TIAM1: variants seen among roughly 807,000 people sequenced by gnomAD.
TIAM1 encodes TIAM Rac1 associated GEF 1.
Under a neutral mutation model 163.5 loss-of-function variants are expected in TIAM1, and 65 were observed. That is an observed-to-expected ratio of 0.40 (90% CI 0.33 to 0.49). The LOEUF is 0.49. TIAM1 is among the 20% of genes least tolerant of loss of function. The pLI is 0.77. For missense variants in TIAM1, 1,789 were observed against 2,044.7 expected, an observed-to-expected ratio of 0.87 and a Z score of 2.41; for synonymous variants, 833 against 810.1, an observed-to-expected ratio of 1.03 and a Z score of -0.48.
At chr21:31,372,174 C>A (rs1055639096) in intron 2 of TIAM1, among the ~76,000 whole-genome samples, 5 of 152,100 alleles carry the variant, frequency 3.3e-5, no homozygotes, top group Non-Finnish European at 5.9e-5. Context: ...TTCTGATGGG[C>A]TTTAAGTTAG....
At chr21:31,223,695 A>C (rs2087765661) in intron 7 of TIAM1, 104 bp from the exon 8 acceptor site, 1 of 1,171,506 alleles carries the variant, frequency 8.5e-7, no homozygotes. Flanking sequence ...CATTCATTAT[A>C]ATCCTAAGGA....
At chr21:31,185,480 A>C (rs1275641872) in intron 14 of TIAM1, among the ~76,000 whole-genome samples, 2 of 143,906 alleles carry the variant, frequency 1.4e-5, no homozygotes, top group African/African-American at 5.1e-5. Flanking sequence ...AATATATTCT[A>C]TATTTATATA....
intron 1 of TIAM1, among the ~76,000 whole-genome samples, chr21:31,473,120 G>A (rs2147377503): frequency 6.6e-6 from 1 of 152,176 alleles, no homozygotes; most frequent in South Asian, 2.1e-4. Flanking sequence ...TGTCTTCCCA[G>A]AATTAGTTAC....
intron 6 of TIAM1, among the ~76,000 whole-genome samples, chr21:31,228,211 TCC>T (rs2088113634): frequency 5.0e-5 from 1 of 20,130 alleles, no homozygotes; most frequent in African/African-American, 2.0e-4. Context: ...ATGCCCGGCC[TCC>T]TTTTTTTAAA....
In TIAM1 at chr21:31,395,715, C is replaced by A. The variant is rs1322470566; in HGVS notation, c.-368-56293G>T. ...ATCTTGGGGAGGGGGCGCATGCGTT[C>A]CCCTGGCTGTCGCGTGAAAATTTTT... On this transcript the variant is annotated intron_variant, in intron 2 of 28. Transcript: ENST00000286827. This position sits in a 1 kb window ranked among gnomAD's most constrained non-coding sequence, Gnocchi z 7.5. Among the ~76,000 whole-genome samples, 2 of 152,088 alleles carry A rather than the reference C, an allele frequency of 1.3e-5. No homozygotes were observed. Among genetic ancestry groups the A allele is most frequent in the Admixed American group, 6.6e-5 (1 of 15,256 alleles).
intron 26 of TIAM1, among the ~76,000 whole-genome samples, chr21:31,125,079 G>C (rs1241094028): frequency 6.6e-6 from 1 of 152,124 alleles, no homozygotes; most frequent in East Asian, 1.9e-4. Context: ...AGCACCCAAA[G>C]GCCGACGTCT....
intron 19 of TIAM1, among the ~76,000 whole-genome samples, chr21:31,152,187 C>G (rs57348044): frequency 0.028 from 4,319 of 152,158 alleles, 208 homozygotes; most frequent in African/African-American, 0.1. Flanking sequence ...TGCCCACCAC[C>G]ATGCCCAGCT....
At chr21:31,248,415 T>G (rs147853631) in intron 5 of TIAM1, among the ~76,000 whole-genome samples, 1,763 of 152,288 alleles carry the variant, frequency 0.012, 38 homozygotes, top group African/African-American at 0.04. Flanking sequence ...TCGTTCCAAC[T>G]TTAAGATGAA....
At chr21:31,381,941 C>T (rs1454779914) in intron 2 of TIAM1, among the ~76,000 whole-genome samples, 1 of 152,164 alleles carries the variant, frequency 6.6e-6, no homozygotes, top group African/African-American at 2.4e-5. Flanking sequence ...TCATCAGGGA[C>T]CTTGGTCTTG....
chr21:31,489,606 T>C (rs1407680228), intron 1 of TIAM1, among the ~76,000 whole-genome samples: 1 of 151,596 alleles, frequency 6.6e-6, no homozygotes, highest in Non-Finnish European at 1.5e-5. Flanking sequence ...GGGGCCACCC[T>C]GGGTCTCTTG....
At chr21:31,224,703 C>T (rs959466513) in intron 7 of TIAM1, among the ~76,000 whole-genome samples, 8 of 152,100 alleles carry the variant, frequency 5.3e-5, no homozygotes, top group African/African-American at 1.4e-4. Flanking sequence ...GTTGATTTTA[C>T]ATTGTGTGAA....
chr21:31,350,624 G>T (rs2076219119), intron 2 of TIAM1, among the ~76,000 whole-genome samples: 1 of 152,034 alleles, frequency 6.6e-6, no homozygotes, highest in Non-Finnish European at 1.5e-5. Context: ...TCTCTCTTTT[G>T]CTCCTGCTCT....
At chr21:31,257,289 C>T (rs1040064099) in intron 4 of TIAM1, among the ~76,000 whole-genome samples, 11 of 152,088 alleles carry the variant, frequency 7.2e-5, no homozygotes, top group African/African-American at 2.2e-4. Context: ...TTTCTTCTAA[C>T]GATTTCCAAT....
At chr21:31,378,086 A>C (rs1401225300) in intron 2 of TIAM1, among the ~76,000 whole-genome samples, 2 of 141,240 alleles carry the variant, frequency 1.4e-5, no homozygotes, top group African/African-American at 2.6e-5. Context: ...CAGTGAGCTG[A>C]GGTCATGCCA....
chr21:31,286,204 A>C (rs2073802841), intron 2 of TIAM1, among the ~76,000 whole-genome samples: 1 of 152,196 alleles, frequency 6.6e-6, no homozygotes, highest in East Asian at 1.9e-4. Context: ...TTTTAATCAA[A>C]GACTAAATAA....
intron 1 of TIAM1, among the ~76,000 whole-genome samples, chr21:31,504,451 G>T (rs1172496489): frequency 6.6e-6 from 1 of 152,200 alleles, no homozygotes; most frequent in African/African-American, 2.4e-5. Flanking sequence ...AAGCCACCTT[G>T]AGGGCAATGC....
At chr21:31,411,903 T>G (rs756262020) in intron 2 of TIAM1, among the ~76,000 whole-genome samples, 1 of 143,004 alleles carries the variant, frequency 7.0e-6, no homozygotes, top group Non-Finnish European at 1.6e-5. Context: ...CACTAGAAAG[T>G]GCATTTCGTC....
chr21:31,322,448 T>TGGGGGGGG (rs386394590), intron 2 of TIAM1, among the ~76,000 whole-genome samples: 2 of 136,516 alleles, frequency 1.5e-5, no homozygotes, highest in Non-Finnish European at 3.2e-5. Context: ...CCTCTATGGG[T>TGGGGGGGG]GGGGGGGGGT....
intron 2 of TIAM1, among the ~76,000 whole-genome samples, chr21:31,297,811 G>A (rs1322378621): frequency 2.6e-5 from 4 of 152,262 alleles, no homozygotes; most frequent in South Asian, 2.1e-4. Context: ...AGTGCCATAC[G>A]ATGAACTCAG....
Sources: gnomAD v4.1 joint callset for allele counts (sites outside exome capture counted in the v4.1 genomes callset) on GRCh38, gnomAD v4.1.1 for gene constraint, Gnocchi (gnomAD v3.1) non-coding constraint, MANE v1.5 for transcripts, NCBI Gene and HGNC (gene_info 2026-07-23, HGNC 2026-07-21) for gene names.